PIGX: variants seen among roughly 807,000 people sequenced by gnomAD.
PIGX encodes the protein phosphatidylinositol glycan anchor biosynthesis class X, also known as GPI alpha-1,4-mannosyltransferase I, stabilizing subunit.
A neutral mutation model predicts 28.7 loss-of-function variants in PIGX; 24 were observed. The ratio of observed to expected loss-of-function variants is 0.84; its 90% CI spans 0.60 to 1.17. The LOEUF is 1.17. PIGX is among the 50% of genes most tolerant of loss of function. The pLI is 0.00. For missense variants in PIGX, 305 were observed against 317.8 expected (o/e 0.96, Z 0.31); for synonymous variants, 127 against 121.0 (o/e 1.05, Z -0.33).
intron 1 of PIGX, among the ~76,000 whole-genome samples, chr3:196,715,046 A>G (rs531178608): frequency 6.6e-6 from 1 of 152,334 alleles, no homozygotes; most frequent in Non-Finnish European, 1.5e-5. Flanking sequence ...ACTGCAGTGC[A>G]GCCTGGCAAC....
intron 2 of PIGX, 76 bp from the exon 3 acceptor site, chr3:196,722,339 A>G: frequency 1.9e-6 from 2 of 1,041,302 alleles, no homozygotes; most frequent in South Asian, 3.1e-5. Flanking sequence ...TGTTTTCACT[A>G]ATAGGAATAC....
intron 3 of PIGX, among the ~76,000 whole-genome samples, chr3:196,723,620 T>C (rs1156262381): frequency 2.6e-5 from 4 of 151,396 alleles, no homozygotes; most frequent in African/African-American, 9.7e-5. Flanking sequence ...TGATTTCTTT[T>C]TTTTTTTTTT....
chr3:196,732,243 TATATATATA>T lies in PIGX; in HGVS notation c.633+1152_633+1160del, dbSNP rs1560080613. Among the ~76,000 whole-genome samples, 122 of 51,938 alleles carry T rather than the reference TATATATATA, an allele frequency of 2.3e-3. 13 individuals carry two copies. The highest frequency in any genetic ancestry group is 0.014 in the Middle Eastern group (2 of 148). The allele number at this position is 51,938 out of a possible 152,430, so 34.1% of individuals were successfully genotyped here. On this transcript the variant is annotated intron_variant, in intron 5 of 5. Coordinates refer to ENST00000392391, the MANE Select transcript of PIGX (RefSeq NM_017861.4). Reference sequence around the variant, plus strand: ...ATATATATATATATATATATATATATATATATATATATATTTTATTTTATTTTATTTTTT... The same window carrying T: ...ATATATATATATATATATATATATATTATATTTTATTTTATTTTATTTTTT...
At chr3:196,727,846 A>C in intron 3 of PIGX, 77 bp from the exon 4 acceptor site, 4 of 987,326 alleles carry the variant, frequency 4.1e-6, no homozygotes, top group Non-Finnish European at 3.1e-6. Flanking sequence ...ATCTGTATAT[A>C]GTCTTCTGGT....
intron 2 of PIGX, among the ~76,000 whole-genome samples, chr3:196,717,615 A>G (rs182782234): frequency 9.2e-5 from 14 of 152,308 alleles, no homozygotes; most frequent in African/African-American, 3.4e-4. Context: ...ACAATATTCC[A>G]TTTAATCTTC....
At chr3:196,724,720 G>C (rs981157532) in intron 3 of PIGX, among the ~76,000 whole-genome samples, 2 of 152,150 alleles carry the variant, frequency 1.3e-5, no homozygotes, top group African/African-American at 4.8e-5. Flanking sequence ...TGTTACATTT[G>C]TGACGTTTAA....
Position 196,731,039 on chromosome 3 carries a change from T to C in PIGX, c.580T>C (p.Cys194Arg). 1 of 1,612,196 alleles carries C rather than the reference T, an allele frequency of 6.2e-7. No homozygotes were observed. The highest frequency in any genetic ancestry group is 8.5e-7 in the Non-Finnish European group (1 of 1,178,316). ...GGCTCACTCAGAAGTGGCAGCCCCTTGTGCTTTGGAGAATGAGGATATCTG... is the reference window on the plus strand; with the variant it reads ...GGCTCACTCAGAAGTGGCAGCCCCTCGTGCTTTGGAGAATGAGGATATCTG... The change falls in exon 5 of 6, where the codon TGT becomes CGT. Residue 194 changes from cysteine to arginine, a missense_variant. Transcript: ENST00000392391.
chr3:196,723,171 G>A (rs1162845208), intron 3 of PIGX, among the ~76,000 whole-genome samples: 2 of 152,128 alleles, frequency 1.3e-5, no homozygotes, highest in East Asian at 3.9e-4. Context: ...GCGAAACCCT[G>A]TTTCTACAAA....
Position 196,722,504 on chromosome 3 carries a change from T to C in PIGX, c.266T>C (p.Leu89Pro). The C allele has an allele frequency of 1.2e-6, 2 of 1,613,440 alleles. No individual in the cohort carries two copies. The highest frequency in any genetic ancestry group is 1.7e-6 in the Non-Finnish European group (2 of 1,179,406). ...ATTAAACAGGACATTCCTGCAGGACTTTATGTGGATCCGTATGAGTTGGCT... is the reference window on the plus strand; with the variant it reads ...ATTAAACAGGACATTCCTGCAGGACCTTATGTGGATCCGTATGAGTTGGCT... Residue 89 changes from leucine (L) to proline (P), a missense_variant, in exon 3 of 6, where the codon CTT becomes CCT. Transcript: ENST00000392391.
At position 196,719,654 on chromosome 3, in the gene PIGX, G is replaced by A. The variant is rs141928794; in HGVS notation, c.176+2733G>A. On this transcript the variant is annotated intron_variant, in intron 2 of 5. Transcript: ENST00000392391. The stretch of plus-strand genomic sequence containing the variant: ...ATCTCCTTCTCTTTTCTATGCTGTT[G>A]TTATCACATATTTTACTTTATTTTT... 6.3e-3 allele frequency among the ~76,000 whole-genome samples: 956 copies of A among 151,990 alleles called. 7 individuals carry two copies. The highest frequency in any genetic ancestry group is 7.1e-3 in the Non-Finnish European group (484 of 67,980).
At chr3:196,719,096 T>G (rs1712210314) in intron 2 of PIGX, among the ~76,000 whole-genome samples, 2 of 152,094 alleles carry the variant, frequency 1.3e-5, no homozygotes, top group African/African-American at 4.8e-5. Context: ...GGTGGCCAAT[T>G]TTTTTCTTTC....
chr3:196,720,051 T>A (rs941065581), intron 2 of PIGX, among the ~76,000 whole-genome samples: 3 of 152,256 alleles, frequency 2.0e-5, no homozygotes, highest in African/African-American at 7.2e-5. Context: ...GTGTGGGGAT[T>A]ACAGGCGTGA....
chr3:196,719,253 A>G (rs1352674562), intron 2 of PIGX, among the ~76,000 whole-genome samples: 3 of 151,388 alleles, frequency 2.0e-5, no homozygotes, highest in Admixed American at 6.6e-5. Flanking sequence ...TTTTTTATCT[A>G]TTTGTTTTTC....
At position 196,719,077 on chromosome 3, in the gene PIGX, A is replaced by G. The variant is rs73089255; in HGVS notation, c.176+2156A>G. On this transcript the variant is annotated intron_variant, in intron 2 of 5. Coordinates refer to ENST00000392391, the MANE Select transcript of PIGX (RefSeq NM_017861.4). ...TCAGTGTGTTTCCTGTAGATAGCATATAGTTCAGGGTGGCCAATTTTTTTC... is the reference window on the plus strand; with the variant it reads ...TCAGTGTGTTTCCTGTAGATAGCATGTAGTTCAGGGTGGCCAATTTTTTTC... Among the ~76,000 whole-genome samples, 764 of 152,180 alleles carry G rather than the reference A, an allele frequency of 5.0e-3. 11 individuals are homozygous for G. The highest frequency in any genetic ancestry group is 0.018 in the African/African-American group (741 of 41,528).
intron 3 of PIGX, among the ~76,000 whole-genome samples, chr3:196,727,265 T>G (rs1177503696): frequency 1.3e-5 from 2 of 151,934 alleles, no homozygotes; most frequent in Non-Finnish European, 2.9e-5. Flanking sequence ...ATATGTGTAA[T>G]AAATAAATAT....
Position 196,712,650 on chromosome 3 carries a change from G to T in PIGX, c.112+6G>T, listed in dbSNP as rs957535544. ...CGCCGCGCGCTCTGACGCCGGTAAG[G>T]GGGGCGGGGCTTGGGGGGCCAGAGC... On this transcript the variant is annotated splice_donor_region_variant and intron_variant, in intron 1 of 5. Coordinates refer to ENST00000392391, the MANE Select transcript of PIGX (RefSeq NM_017861.4). The T allele has an allele frequency of 5.1e-6, 6 of 1,187,404 alleles. No homozygotes were observed. In the South Asian group the frequency reaches 2.1e-4, roughly 41 times the overall value. The allele number at this position is 1,187,404 out of a possible 1,614,324, so 73.6% of individuals were successfully genotyped here. A position where few individuals can be genotyped will look rare whatever the true frequency, so the allele number is the denominator to read the frequency against.
chr3:196,724,160 G>A (rs1419388402), intron 3 of PIGX, among the ~76,000 whole-genome samples: 1 of 151,782 alleles, frequency 6.6e-6, no homozygotes, highest in African/African-American at 2.4e-5. Flanking sequence ...GATTACAGGT[G>A]CATGCCACCA....
chr3:196,717,495 C>T (rs1024417411), intron 2 of PIGX, among the ~76,000 whole-genome samples: 10 of 152,042 alleles, frequency 6.6e-5, no homozygotes, highest in South Asian at 2.1e-4. Context: ...ACACCAAAGT[C>T]CTCAGATGCT....
intron 3 of PIGX, among the ~76,000 whole-genome samples, chr3:196,724,150 G>A (rs1712433168): frequency 6.6e-6 from 1 of 151,792 alleles, no homozygotes; most frequent in South Asian, 2.1e-4. Flanking sequence ...GAGTAGCTAG[G>A]ATTACAGGTG....
Sources: gnomAD v4.1 joint callset for allele counts (sites outside exome capture counted in the v4.1 genomes callset) on GRCh38, gnomAD v4.1.1 for gene constraint, MANE v1.5 for transcripts, NCBI Gene and HGNC (gene_info 2026-07-23, HGNC 2026-07-21) for gene names.